Variants in C10orf90 observed in about 807,000 individuals in gnomAD.
C10orf90 encodes the protein (E2-independent) E3 ubiquitin-conjugating enzyme FATS.
C10orf90 carries 56 observed loss-of-function variants against 62.5 expected under a neutral mutation model. The ratio of observed to expected loss-of-function variants is 0.90; its 90% CI spans 0.72 to 1.12. The LOEUF is 1.12. C10orf90 is among the 50% of genes most tolerant of loss of function. C10orf90 has a pLI of 0.00. For missense variants in C10orf90, 970 were observed against 880.4 expected (o/e 1.10, Z -1.29); for synonymous variants, 386 against 340.4 (o/e 1.13, Z -1.47).
intron 4 of C10orf90, 104 bp from the exon 5 acceptor site, chr10:126,465,090 A>T: frequency 3.3e-6 from 4 of 1,212,126 alleles, no homozygotes; most frequent in Non-Finnish European, 4.6e-6. Context: ...CTTGGGGGGG[A>T]GTACAGCACT....
At chr10:126,543,305 A>G (rs183382166) in intron 2 of C10orf90, among the ~76,000 whole-genome samples, 362 of 152,268 alleles carry the variant, frequency 2.4e-3, no homozygotes, top group African/African-American at 8.4e-3. Context: ...CTGTTCTTTC[A>G]TCTGAAAAAT....
At chr10:126,636,271 G>A (rs1441566825) in intron 2 of C10orf90, among the ~76,000 whole-genome samples, 2 of 152,144 alleles carry the variant, frequency 1.3e-5, no homozygotes, top group Non-Finnish European at 2.9e-5. Flanking sequence ...GTTACAAGCT[G>A]TGTCTCAGCC....
intron 2 of C10orf90, among the ~76,000 whole-genome samples, chr10:126,587,464 T>C (rs577490221): frequency 1.7e-3 from 256 of 152,314 alleles, no homozygotes; most frequent in African/African-American, 5.8e-3. Flanking sequence ...TGGATCCTCA[T>C]ATGGCAGAGG....
At chr10:126,558,780 C>T (rs1486268468) in intron 2 of C10orf90, among the ~76,000 whole-genome samples, 1 of 152,226 alleles carries the variant, frequency 6.6e-6, no homozygotes, top group Non-Finnish European at 1.5e-5. Context: ...ATGTGTCTCT[C>T]TTCTTCCCCA....
chr10:126,516,167 C>T (rs1863428731), intron 2 of C10orf90, among the ~76,000 whole-genome samples: 1 of 152,220 alleles, frequency 6.6e-6, no homozygotes, highest in African/African-American at 2.4e-5. Flanking sequence ...GCTGTGTACC[C>T]TTTCTGAGTT....
chr10:126,540,932 T>G (rs1279983654), intron 2 of C10orf90, among the ~76,000 whole-genome samples: 1 of 152,222 alleles, frequency 6.6e-6, no homozygotes, highest in Non-Finnish European at 1.5e-5. Context: ...GATAATGTTA[T>G]AGTCCATATT....
intron 7 of C10orf90, among the ~76,000 whole-genome samples, chr10:126,438,967 C>T (rs1025741321): frequency 6.6e-6 from 1 of 152,048 alleles, no homozygotes; most frequent in Non-Finnish European, 1.5e-5. Flanking sequence ...TGTACCCATG[C>T]CCCAGACCCT....
intron 2 of C10orf90, among the ~76,000 whole-genome samples, chr10:126,606,116 C>A (rs1222942525): frequency 6.6e-6 from 1 of 152,198 alleles, no homozygotes; most frequent in Non-Finnish European, 1.5e-5. Flanking sequence ...TGTCCCACTG[C>A]ACCCTGGGAA....
chr10:126,600,137 C>T (rs1235258979), intron 2 of C10orf90, among the ~76,000 whole-genome samples: 2 of 152,114 alleles, frequency 1.3e-5, no homozygotes, highest in Non-Finnish European at 2.9e-5. Flanking sequence ...GTGTGCATCG[C>T]ATGTGTGTGC....
chr10:126,563,100 A>G (rs935872913), intron 2 of C10orf90, among the ~76,000 whole-genome samples: 1 of 152,218 alleles, frequency 6.6e-6, no homozygotes, highest in Non-Finnish European at 1.5e-5. Flanking sequence ...GGCAAATGCT[A>G]CAACTCGGGG....
chr10:126,584,473 G>C (rs1285974548), intron 2 of C10orf90, among the ~76,000 whole-genome samples: 2 of 152,058 alleles, frequency 1.3e-5, no homozygotes, highest in Non-Finnish European at 2.9e-5. Flanking sequence ...TCCAGCTATA[G>C]AGCTGTTCAA....
At position 126,562,780 on chromosome 10, in the gene C10orf90, C is replaced by T. The variant is rs75020275; in HGVS notation, c.314-48841G>A. On this transcript the variant is annotated intron_variant, in intron 2 of 9. Coordinates refer to ENST00000488181, the MANE Select transcript of C10orf90 (RefSeq NM_001350921.2). Reference sequence around the variant, plus strand: ...CAGGGAGCAGAGCCTGCCAGAGCTCCCCAACCAGGACAGTAAAACCATCAG... The same window carrying T: ...CAGGGAGCAGAGCCTGCCAGAGCTCTCCAACCAGGACAGTAAAACCATCAG... Among the ~76,000 whole-genome samples, 907 of 152,298 alleles carry T rather than the reference C, an allele frequency of 6.0e-3. 10 individuals carry two copies. The highest frequency in any genetic ancestry group is 0.02 in the African/African-American group (833 of 41,554).
intron 2 of C10orf90, among the ~76,000 whole-genome samples, chr10:126,525,619 T>A (rs1013294432): frequency 2.6e-5 from 4 of 152,094 alleles, no homozygotes; most frequent in South Asian, 2.1e-4. Flanking sequence ...ACGCTGCACA[T>A]CGGGGGTCTG....
chr10:126,660,119 C>T (rs1464484858), intron 1 of C10orf90, among the ~76,000 whole-genome samples: 2 of 152,220 alleles, frequency 1.3e-5, no homozygotes, highest in African/African-American at 2.4e-5. Flanking sequence ...AGGCCAAATA[C>T]TCAGATGATT....
At chr10:126,649,069 T>TC (rs1846235395) in intron 1 of C10orf90, among the ~76,000 whole-genome samples, 7 of 37,916 alleles carry the variant, frequency 1.8e-4, no homozygotes, top group African/African-American at 5.6e-4. Context: ...TCTCTCTCTC[T>TC]CTCCCCCCCC....
At chr10:126,434,615 G>T (rs1381788751) in intron 7 of C10orf90, among the ~76,000 whole-genome samples, 1 of 152,188 alleles carries the variant, frequency 6.6e-6, no homozygotes. Flanking sequence ...CAATAAGCCA[G>T]CCTGGAGTAT....
chr10:126,470,131 G>C (rs1453180682), intron 4 of C10orf90: 2 of 427,470 alleles, frequency 4.7e-6, no homozygotes, highest in Non-Finnish European at 9.5e-6. Flanking sequence ...CTGCAGTGGA[G>C]GAAAAGGCAT....
chr10:126,659,007 T>C (rs1245006041), intron 1 of C10orf90, among the ~76,000 whole-genome samples: 1 of 152,166 alleles, frequency 6.6e-6, no homozygotes, highest in Non-Finnish European at 1.5e-5. Flanking sequence ...CACAGAGTCT[T>C]CATGGTTTCT....
At chr10:126,635,949 C>G (rs1390580834) in intron 2 of C10orf90, among the ~76,000 whole-genome samples, 1 of 152,158 alleles carries the variant, frequency 6.6e-6, no homozygotes, top group African/African-American at 2.4e-5. Context: ...CAATATTATT[C>G]AGGAGCTCTC....
Sources: gnomAD v4.1 joint callset for allele counts (sites outside exome capture counted in the v4.1 genomes callset) on GRCh38, gnomAD v4.1.1 for gene constraint, MANE v1.5 for transcripts, NCBI Gene and HGNC (gene_info 2026-07-23, HGNC 2026-07-21) for gene names.